The following MEGF11 variants were observed in gnomAD, a reference collection of about 807,000 sequenced individuals.
MEGF11 encodes the protein multiple epidermal growth factor-like domains protein 11.
A neutral mutation model predicts 146.6 loss-of-function variants in MEGF11; 126 were observed. The observed-to-expected ratio is 0.86, with a 90% CI of 0.74 to 1.00. MEGF11 has a LOEUF of 1.00. Ranked by LOEUF, MEGF11 falls within the 50% of genes least tolerant of loss-of-function variation. MEGF11 has a pLI of 0.00. For missense variants in MEGF11, 1,509 were observed against 1,521.2 expected, an observed-to-expected ratio of 0.99 and a Z score of 0.13; for synonymous variants, 532 against 583.4, an observed-to-expected ratio of 0.91 and a Z score of 1.27.
At chr15:66,074,505 A>C (rs556500797) in intron 5 of MEGF11, among the ~76,000 whole-genome samples, 1 of 152,348 alleles carries the variant, frequency 6.6e-6, no homozygotes, top group African/African-American at 2.4e-5. Flanking sequence ...GAGTTTTTCA[A>C]ACTGCAGTTG....
chr15:66,112,781 ATGAC>A (rs1372373753), intron 4 of MEGF11, among the ~76,000 whole-genome samples: 1 of 152,244 alleles, frequency 6.6e-6, no homozygotes, highest in African/African-American at 2.4e-5. Context: ...TTGGAAGAAA[ATGAC>A]TGAAAGCCTA....
chr15:66,028,488 A>G (rs2083412212), intron 5 of MEGF11, among the ~76,000 whole-genome samples: 1 of 152,226 alleles, frequency 6.6e-6, no homozygotes, highest in African/African-American at 2.4e-5. Context: ...ATATGGCAAT[A>G]TATATCAAGG....
chr15:66,196,649 G>T (rs16949647), intron 1 of MEGF11, among the ~76,000 whole-genome samples: 25,339 of 152,162 alleles, frequency 0.17, 2,712 homozygotes, highest in East Asian at 0.47. Context: ...GCTCTTTTGT[G>T]ACTTCTCTGA....
intron 10 of MEGF11, among the ~76,000 whole-genome samples, chr15:65,954,953 A>G (rs1396385586): frequency 6.6e-6 from 1 of 152,174 alleles, no homozygotes; most frequent in East Asian, 1.9e-4. Context: ...TCCCACTCCT[A>G]TGTATACACA....
chr15:66,084,209 G>A lies in MEGF11; in HGVS notation c.394+10193C>T, dbSNP rs910075256. Reference sequence around the variant, plus strand: ...CAAACATCATTATGTGGTGCATGACGGTATCTAATAAGTGGTTAATATCCA... The same window carrying A: ...CAAACATCATTATGTGGTGCATGACAGTATCTAATAAGTGGTTAATATCCA... On this transcript the variant is annotated intron_variant, in intron 5 of 25. Coordinates refer to ENST00000395614, the MANE Select transcript of MEGF11 (RefSeq NM_001385028.1). 3.9e-5 allele frequency among the ~76,000 whole-genome samples: 6 copies of A among 152,236 alleles called. No individual in the cohort carries two copies. In the East Asian group the frequency reaches 5.8e-4, roughly 15 times the overall value.
chr15:66,072,962 G>A (rs906747676), intron 5 of MEGF11, among the ~76,000 whole-genome samples: 1 of 152,214 alleles, frequency 6.6e-6, no homozygotes, highest in African/African-American at 2.4e-5. Context: ...ATAAGAAATC[G>A]GCCAGGGCTG....
At chr15:66,227,072 C>A (rs1365575900) in intron 1 of MEGF11, among the ~76,000 whole-genome samples, 1 of 152,178 alleles carries the variant, frequency 6.6e-6, no homozygotes, top group Non-Finnish European at 1.5e-5. Flanking sequence ...AAGCCTTGTT[C>A]TGAAAGACAT....
At position 65,967,490 on chromosome 15, in the gene MEGF11, G is replaced by A. The variant is rs977916297; in HGVS notation, c.900-2370C>T. ...TCTTTATTATGTATTTTGGAGGATC[G>A]TGGGGGTGGAAGTATTCTTCTACAG... is the stretch of plus-strand genomic sequence containing the variant. On this transcript the variant is annotated intron_variant, in intron 8 of 25. Transcript: ENST00000395614. Among the ~76,000 whole-genome samples, 6 of 152,248 alleles carry A rather than the reference G, an allele frequency of 3.9e-5. No individual in the cohort carries two copies. The South Asian group carries it at 6.2e-4, about 16-fold the overall frequency.
intron 1 of MEGF11, among the ~76,000 whole-genome samples, chr15:66,208,984 T>A (rs191638846): frequency 8.8e-4 from 134 of 152,210 alleles, no homozygotes; most frequent in African/African-American, 3.0e-3. Flanking sequence ...AGAAACTATA[T>A]CACTCATACA....
intron 5 of MEGF11, among the ~76,000 whole-genome samples, chr15:66,035,137 G>T (rs867263354): frequency 1.3e-5 from 2 of 152,194 alleles, no homozygotes; most frequent in African/African-American, 4.8e-5. Flanking sequence ...GGGGGTTGTT[G>T]TGTAGTTTAA....
chr15:66,233,609 C>T (rs1274355448), intron 1 of MEGF11, among the ~76,000 whole-genome samples: 1 of 152,152 alleles, frequency 6.6e-6, no homozygotes, highest in African/African-American at 2.4e-5. Flanking sequence ...ACAAACTACC[C>T]AAAGTCACCA....
At chr15:66,183,023 G>A (rs576742503) in intron 1 of MEGF11, among the ~76,000 whole-genome samples, 1 of 152,248 alleles carries the variant, frequency 6.6e-6, no homozygotes, top group South Asian at 2.1e-4. Context: ...TCACAATAAC[G>A]CGATGTTGAG....
In MEGF11 at chr15:65,924,373, T is replaced by TGG. The variant is rs72309249; in HGVS notation, c.1676-1406_1676-1405dup. Among the ~76,000 whole-genome samples, 227 of 41,106 alleles carry TGG rather than the reference T, an allele frequency of 5.5e-3. 1 individual carries two copies. The highest frequency in any genetic ancestry group is 0.014 in the Middle Eastern group (1 of 70). 27.0% of individuals were successfully genotyped at this position (41,106 alleles called of 152,430 possible). A position where few individuals can be genotyped will look rare whatever the true frequency, so the allele number is the denominator to read the frequency against. On this transcript the variant is annotated intron_variant, in intron 13 of 25. Transcript: ENST00000395614. ...TGCGGGTGGGTAGGTGGGGTGTGGG[T>TGG]GGGGGGGGGGGCAAGTGGTTTCCTC...
At chr15:66,131,239 G>A (rs1053298312) in intron 1 of MEGF11, among the ~76,000 whole-genome samples, 2 of 152,244 alleles carry the variant, frequency 1.3e-5, no homozygotes, top group African/African-American at 4.8e-5. Context: ...TCTCACACCT[G>A]CAGACAGGGT....
chr15:66,054,997 T>C (rs1177590711), intron 5 of MEGF11, among the ~76,000 whole-genome samples: 6 of 152,346 alleles, frequency 3.9e-5, no homozygotes, highest in Admixed American at 6.5e-5. Context: ...GATGCTATTA[T>C]TGGTGTAGAC....
At chr15:66,052,356 G>C (rs1349616600) in intron 5 of MEGF11, among the ~76,000 whole-genome samples, 1 of 152,084 alleles carries the variant, frequency 6.6e-6, no homozygotes, top group Non-Finnish European at 1.5e-5. Flanking sequence ...CTCTGGTATG[G>C]GCCACAGTCA....
At chr15:66,093,323 T>G (rs1196119142) in intron 5 of MEGF11, among the ~76,000 whole-genome samples, 1 of 152,148 alleles carries the variant, frequency 6.6e-6, no homozygotes, top group Admixed American at 6.5e-5. Flanking sequence ...TAACTAGATA[T>G]TTCCACTGCA....
chr15:66,024,930 CTGTGGTGTG>C (rs1315443443), intron 5 of MEGF11, among the ~76,000 whole-genome samples: 1 of 152,088 alleles, frequency 6.6e-6, no homozygotes. Flanking sequence ...GGAGTGGGAG[CTGTGGTGTG>C]TGTTGGTTGG....
At chr15:65,922,065 A>G in intron 15 of MEGF11, 1 of 487,036 alleles carries the variant, frequency 2.1e-6, no homozygotes, top group Middle Eastern at 5.1e-4. Flanking sequence ...TCATCCCTTC[A>G]GCATGCATGT....
Sources: gnomAD v4.1 joint callset for allele counts (sites outside exome capture counted in the v4.1 genomes callset) on GRCh38, gnomAD v4.1.1 for gene constraint, MANE v1.5 for transcripts, NCBI Gene and HGNC (gene_info 2026-07-23, HGNC 2026-07-21) for gene names.